The following SLIT1 variants were observed in gnomAD, a reference collection of about 807,000 sequenced individuals.
SLIT1 encodes the protein slit guidance ligand 1, also known as slit homolog 1 protein.
SLIT1 carries 66 observed loss-of-function variants against 186.1 expected under a neutral mutation model. That is an observed-to-expected ratio of 0.35 (90% CI 0.29 to 0.44). SLIT1 has a LOEUF of 0.44. Among genes scored for constraint, SLIT1 ranks in the 20% least tolerant of loss-of-function variants. The pLI, the probability that SLIT1 is intolerant of heterozygous loss-of-function variation, is 1.00. For synonymous variants in SLIT1, 761 were observed against 833.8 expected (o/e 0.91, Z 1.50); for missense variants, 1,638 against 2,037.4 (o/e 0.80, Z 3.77).
At chr10:97,073,862 G>A (rs578226015) in intron 4 of SLIT1, among the ~76,000 whole-genome samples, 4 of 152,218 alleles carry the variant, frequency 2.6e-5, no homozygotes, top group African/African-American at 9.6e-5. Flanking sequence ...GAGAGGTGCC[G>A]CTGCCTACTC....
intron 13 of SLIT1, among the ~76,000 whole-genome samples, chr10:97,050,132 G>A (rs1848774316): frequency 6.6e-6 from 1 of 152,158 alleles, no homozygotes; most frequent in Non-Finnish European, 1.5e-5. Flanking sequence ...TGGTCAACAA[G>A]AGCGAAACTC....
intron 4 of SLIT1, among the ~76,000 whole-genome samples, chr10:97,076,217 G>A (rs1849044453): frequency 6.6e-6 from 1 of 152,204 alleles, no homozygotes. Flanking sequence ...TCACAGCAGA[G>A]GAAGACTTGG....
At chr10:97,059,353 G>A (rs1848870277) in intron 11 of SLIT1, 107 bp downstream of exon 11, 2 of 885,276 alleles carry the variant, frequency 2.3e-6, no homozygotes, top group Admixed American at 1.8e-5. Flanking sequence ...TGTGTGGAGG[G>A]GGGCATAGCC....
At chr10:97,065,930 C>T (rs1036806294) in intron 5 of SLIT1, 85 bp downstream of exon 5, 21 of 1,021,602 alleles carry the variant, frequency 2.1e-5, no homozygotes, top group Non-Finnish European at 2.9e-5. Flanking sequence ...CTGGACCACA[C>T]GGCTCGCTCA....
intron 8 of SLIT1, among the ~76,000 whole-genome samples, chr10:97,062,989 C>T (rs568703099): frequency 1.1e-4 from 16 of 152,090 alleles, no homozygotes; most frequent in African/African-American, 2.2e-4. Context: ...CCTAATTCAA[C>T]GACTTGTCAA....
At chr10:97,092,613 C>A (rs1340442158) in intron 4 of SLIT1, among the ~76,000 whole-genome samples, 5 of 152,244 alleles carry the variant, frequency 3.3e-5, no homozygotes, top group Non-Finnish European at 7.3e-5. Context: ...CATGAAATAT[C>A]ACCTCCTTGA....
At chr10:97,048,322 T>G (rs972728374) in intron 14 of SLIT1, among the ~76,000 whole-genome samples, 2 of 152,156 alleles carry the variant, frequency 1.3e-5, no homozygotes, top group Non-Finnish European at 2.9e-5. Context: ...GACCAGGATG[T>G]AGGCTCAGAA....
rs1443188022 is a variant in SLIT1, at chr10:97,003,402, CT to C, written c.3866-411del. Among the ~76,000 whole-genome samples, 3 of 152,370 alleles carry C rather than the reference CT, an allele frequency of 2.0e-5. No individual in the cohort carries two copies. In the South Asian group the frequency reaches 6.2e-4, roughly 32 times the overall value. On this transcript the variant is annotated intron_variant, in intron 34 of 36. Transcript: ENST00000266058. Reference sequence around the variant, plus strand: ...TAGGTCACTGCTTTTGTGGCTGTCCCTTCTCAGCAGCCCTCTGAAGTAGGGC... The same window carrying C: ...TAGGTCACTGCTTTTGTGGCTGTCCCTCTCAGCAGCCCTCTGAAGTAGGGC...
At chr10:97,124,570 G>A (rs576700848) in intron 4 of SLIT1, among the ~76,000 whole-genome samples, 1 of 152,326 alleles carries the variant, frequency 6.6e-6, no homozygotes, top group South Asian at 2.1e-4. Flanking sequence ...TTCCCAGGGG[G>A]AGACAAGACT....
At chr10:97,179,796 A>ACCCCCCCCCCCCCCCCCCCCCCACCC (rs1411663173) in intron 1 of SLIT1, among the ~76,000 whole-genome samples, 1 of 103,012 alleles carries the variant, frequency 9.7e-6, no homozygotes, top group African/African-American at 3.2e-5. Flanking sequence ...AATTCTCCAC[A>ACCCCCCCCCCCCCCCCCCCCCCACCC]CCCTCCCCGC....
At chr10:97,118,624 A>C (rs2636815) in intron 4 of SLIT1, among the ~76,000 whole-genome samples, 122,711 of 152,124 alleles carry the variant, frequency 0.81, 49,647 homozygotes, top group Admixed American at 0.85. Context: ...AACACACATT[A>C]TTAAGGGGGA....
intron 4 of SLIT1, among the ~76,000 whole-genome samples, chr10:97,086,520 G>A (rs1471496807): frequency 3.3e-5 from 5 of 152,182 alleles, no homozygotes. Flanking sequence ...AGAGGTTGCA[G>A]TGAGCCGAGA....
intron 4 of SLIT1, among the ~76,000 whole-genome samples, chr10:97,076,226 G>T (rs1403262290): frequency 6.6e-6 from 1 of 152,170 alleles, no homozygotes; most frequent in East Asian, 1.9e-4. Context: ...AGGAAGACTT[G>T]GCATCTCCAG....
intron 28 of SLIT1, 41 bp downstream of exon 28, chr10:97,018,545 C>CA: frequency 7.8e-7 from 1 of 1,275,554 alleles, no homozygotes. Flanking sequence ...GTGCTGGGCC[C>CA]ATCAGCACTC....
chr10:97,058,413 G>A (rs1486854902), intron 11 of SLIT1, among the ~76,000 whole-genome samples: 5 of 152,176 alleles, frequency 3.3e-5, no homozygotes, highest in Non-Finnish European at 7.3e-5. Context: ...AGACTGCCAT[G>A]TTCCAACTTA....
At chr10:97,107,505 A>G (rs1364580742) in intron 4 of SLIT1, among the ~76,000 whole-genome samples, 1 of 152,142 alleles carries the variant, frequency 6.6e-6, no homozygotes, top group Non-Finnish European at 1.5e-5. Context: ...TCCCCTTGAC[A>G]CTGGAGCCCT....
In SLIT1 at chr10:97,124,304, C is replaced by G. The variant is rs547032578; in HGVS notation, c.413+33514G>C. ...GGCAGGGGAGAGGAAGACTATGAAG[C>G]CTTTGGACATTCAAAAGTGTTCTTT... On this transcript the variant is annotated intron_variant, in intron 4 of 36. Transcript: ENST00000266058. 2.2e-3 allele frequency among the ~76,000 whole-genome samples: 329 copies of G among 152,272 alleles called. 2 individuals are homozygous for G. Among genetic ancestry groups the G allele is most frequent in the Non-Finnish European group, 3.8e-3 (258 of 68,014 alleles).
chr10:97,084,020 T>G (rs1849131983), intron 4 of SLIT1, among the ~76,000 whole-genome samples: 1 of 143,812 alleles, frequency 7.0e-6, no homozygotes, highest in Admixed American at 7.2e-5. Flanking sequence ...AGTCTTCATC[T>G]AGTTGTGGAA....
intron 4 of SLIT1, among the ~76,000 whole-genome samples, chr10:97,156,734 G>A (rs1047687480): frequency 1.3e-5 from 2 of 152,088 alleles, no homozygotes; most frequent in African/African-American, 4.8e-5. Context: ...GGAGCCCATG[G>A]TCAGACCCCT....
Sources: allele counts gnomAD v4.1 joint callset (sites outside exome capture counted in the v4.1 genomes callset), GRCh38; gene constraint gnomAD v4.1.1; transcripts MANE v1.5; gene names NCBI Gene and HGNC (gene_info 2026-07-23, HGNC 2026-07-21).